The following PTPRD variants were observed in gnomAD, a reference collection of about 807,000 sequenced individuals.
The protein encoded by PTPRD is receptor-type tyrosine-protein phosphatase delta.
A neutral mutation model predicts 214.5 loss-of-function variants in PTPRD; 34 were observed. The observed-to-expected ratio is 0.16, with a 90% confidence interval of 0.12 to 0.21. The LOEUF is 0.21. Among genes scored for constraint, PTPRD ranks in the 10% least tolerant of loss-of-function variants. PTPRD has a pLI of 1.00. For missense variants in PTPRD, 2,545 were observed against 2,398.7 expected, an observed-to-expected ratio of 1.06 and a Z score of -1.27; for synonymous variants, 1,128 against 845.7, an observed-to-expected ratio of 1.33 and a Z score of -5.79.
intron 3 of PTPRD, among the ~76,000 whole-genome samples, chr9:10,264,890 C>G (rs1168833076): frequency 6.6e-6 from 1 of 152,054 alleles, no homozygotes; most frequent in Non-Finnish European, 1.5e-5. Context: ...GGGGGCAGTT[C>G]CCCCATACTG....
chr9:10,439,531 CA>C (rs1233795761), intron 2 of PTPRD, among the ~76,000 whole-genome samples: 1 of 151,098 alleles, frequency 6.6e-6, no homozygotes, highest in Admixed American at 6.6e-5. Flanking sequence ...GGGTGAAGAA[CA>C]GAATGAAAAA....
intron 12 of PTPRD, among the ~76,000 whole-genome samples, chr9:8,661,554 G>C (rs560475641): frequency 5.3e-4 from 81 of 152,144 alleles, no homozygotes; most frequent in African/African-American, 1.9e-3. Flanking sequence ...GTTTAACACA[G>C]GTAAGAATAG....
rs577449553 is a variant in PTPRD, at chr9:8,736,125, G to T, written c.-103-2179C>A. Among the ~76,000 whole-genome samples the T allele has an allele frequency of 9.2e-5, 14 of 152,292 alleles. No homozygotes were observed. In the South Asian group the frequency reaches 2.9e-3, roughly 32 times the overall value. On this transcript the variant is annotated intron_variant, in intron 11 of 45. Coordinates refer to ENST00000381196, the MANE Select transcript of PTPRD (RefSeq NM_002839.4). ...AGAGAATGCTATTAGGCCACAGCAA[G>T]AGTTTCAGGTGAGAAGTGACACAGG... is the stretch of plus-strand genomic sequence containing the variant.
intron 12 of PTPRD, among the ~76,000 whole-genome samples, chr9:8,695,363 G>A (rs1016531801): frequency 7.2e-5 from 11 of 152,076 alleles, no homozygotes; most frequent in African/African-American, 2.7e-4. Flanking sequence ...CAACCAGTAA[G>A]ATTTGCCACT....
chr9:8,847,793 T>C (rs1439538383), intron 11 of PTPRD, among the ~76,000 whole-genome samples: 1 of 152,158 alleles, frequency 6.6e-6, no homozygotes, highest in Non-Finnish European at 1.5e-5. Flanking sequence ...TTATTGATAA[T>C]GAAACTAACG....
intron 44 of PTPRD, among the ~76,000 whole-genome samples, chr9:8,324,929 C>T (rs11521513): frequency 0.14 from 21,275 of 152,108 alleles, 1,924 homozygotes; most frequent in East Asian, 0.34. Context: ...ATATCCTTCG[C>T]CCACTTTTTG....
At chr9:10,101,924 T>A (rs2098555218) in intron 3 of PTPRD, among the ~76,000 whole-genome samples, 1 of 151,588 alleles carries the variant, frequency 6.6e-6, no homozygotes, top group Admixed American at 6.6e-5. Flanking sequence ...TATTTAAGGA[T>A]ACACTGCTAA....
intron 14 of PTPRD, among the ~76,000 whole-genome samples, chr9:8,571,005 G>T (rs986742655): frequency 6.6e-6 from 1 of 151,720 alleles, no homozygotes; most frequent in East Asian, 1.9e-4. Flanking sequence ...GTTTCCACAG[G>T]CTAACACATA....
chr9:10,073,550 G>T (rs2098074735), intron 3 of PTPRD, among the ~76,000 whole-genome samples: 1 of 152,082 alleles, frequency 6.6e-6, no homozygotes, highest in Non-Finnish European at 1.5e-5. Flanking sequence ...TAATAAAAGA[G>T]AAAGAAATAT....
intron 7 of PTPRD, among the ~76,000 whole-genome samples, chr9:9,604,299 C>T (rs2093999409): frequency 6.6e-6 from 1 of 152,014 alleles, no homozygotes; most frequent in African/African-American, 2.4e-5. Flanking sequence ...ATGACAGGCA[C>T]AACCTTGAAA....
Position 9,279,892 on chromosome 9 carries a change from C to CT in PTPRD, c.-202-96530dup, listed in dbSNP as rs370979970. On this transcript the variant is annotated intron_variant, in intron 9 of 45. Coordinates refer to ENST00000381196, the MANE Select transcript of PTPRD (RefSeq NM_002839.4). ...GATAAAATTCACTCACGCCACTCTACTTTTTAAAATGTATAGAATATATAC... is the reference window on the plus strand; with the variant it reads ...GATAAAATTCACTCACGCCACTCTACTTTTTTAAAATGTATAGAATATATAC... 3.9e-3 allele frequency among the ~76,000 whole-genome samples: 586 copies of CT among 151,272 alleles called. 6 individuals are homozygous for CT. The highest frequency in any genetic ancestry group is 0.013 in the African/African-American group (541 of 41,412).
intron 3 of PTPRD, among the ~76,000 whole-genome samples, chr9:10,112,537 C>A (rs1448577393): frequency 6.6e-6 from 1 of 151,882 alleles, no homozygotes; most frequent in Non-Finnish European, 1.5e-5. Flanking sequence ...GAAGGAGGTG[C>A]AGACATGCAA....
chr9:10,164,681 T>C (rs1214463215), intron 3 of PTPRD, among the ~76,000 whole-genome samples: 3 of 151,620 alleles, frequency 2.0e-5, no homozygotes, highest in Non-Finnish European at 4.4e-5. Context: ...AAAGATTTAT[T>C]TGAAAGTTGG....
chr9:9,082,447 T>G (rs1236651034), intron 10 of PTPRD, among the ~76,000 whole-genome samples: 1 of 151,914 alleles, frequency 6.6e-6, no homozygotes, highest in Non-Finnish European at 1.5e-5. Context: ...ATTGATGGAA[T>G]GTATTTTAAA....
intron 11 of PTPRD, among the ~76,000 whole-genome samples, chr9:8,830,707 A>T (rs1371806080): frequency 6.6e-6 from 1 of 152,146 alleles, no homozygotes; most frequent in Non-Finnish European, 1.5e-5. Flanking sequence ...GCTGAAAGGA[A>T]GACTTTTTAA....
intron 7 of PTPRD, among the ~76,000 whole-genome samples, chr9:9,691,656 G>C (rs1378597996): frequency 6.6e-6 from 1 of 151,942 alleles, no homozygotes; most frequent in Non-Finnish European, 1.5e-5. Flanking sequence ...TGGGGTTGTT[G>C]GATTGTATGA....
At chr9:8,601,428 G>A (rs1403147657) in intron 14 of PTPRD, among the ~76,000 whole-genome samples, 1 of 152,138 alleles carries the variant, frequency 6.6e-6, no homozygotes. Flanking sequence ...GCAGGCCTTG[G>A]GCAAGACTCA....
chr9:10,490,526 G>C (rs1033067601), intron 2 of PTPRD, among the ~76,000 whole-genome samples: 11 of 152,090 alleles, frequency 7.2e-5, no homozygotes, highest in African/African-American at 2.7e-4. Flanking sequence ...CTGTCATAAA[G>C]TCCCTGGATT....
chr9:9,695,006 C>T (rs1443900679), intron 7 of PTPRD, among the ~76,000 whole-genome samples: 2 of 152,136 alleles, frequency 1.3e-5, no homozygotes, highest in Non-Finnish European at 2.9e-5. Flanking sequence ...CTTTACTTTT[C>T]CCTCTGCTTT....
Sources: allele counts gnomAD v4.1 joint callset (sites outside exome capture counted in the v4.1 genomes callset), GRCh38; gene constraint gnomAD v4.1.1; transcripts MANE v1.5; gene names NCBI Gene and HGNC (gene_info 2026-07-23, HGNC 2026-07-21).